Variants in INPP4B observed in about 807,000 individuals in gnomAD.
The protein encoded by INPP4B is inositol polyphosphate 4-phosphatase type II.
A neutral mutation model predicts 122.5 loss-of-function variants in INPP4B; 55 were observed. The observed-to-expected ratio is 0.45, with a 90% confidence interval of 0.36 to 0.56. The LOEUF (loss-of-function observed/expected upper bound fraction) is 0.56. Ranked by LOEUF, INPP4B falls within the 20% of genes least tolerant of loss-of-function variation. INPP4B has a pLI of 0.00. For synonymous variants in INPP4B, 403 were observed against 388.7 expected, an observed-to-expected ratio of 1.04 and a Z score of -0.43; for missense variants, 1,000 against 1,097.7, an observed-to-expected ratio of 0.91 and a Z score of 1.26.
rs1376845828 is a variant in INPP4B, at chr4:142,246,014, ATGTG to A, written c.689-8007_689-8004del. On this transcript the variant is annotated intron_variant, in intron 11 of 25. Transcript: ENST00000262992. ...CATATATATGTGTATGTATACACAC[ATGTG>A]TGTATGTACACACACGTGTGTGTAT... Among the ~76,000 whole-genome samples, 25 of 141,006 alleles carry A rather than the reference ATGTG, an allele frequency of 1.8e-4. 4 individuals carry two copies. Among genetic ancestry groups the A allele is most frequent in the African/African-American group, 6.6e-4 (24 of 36,172 alleles). 92.5% of individuals were successfully genotyped at this position (141,006 alleles called of 152,430 possible).
At chr4:142,416,044 C>A (rs537483829) in intron 5 of INPP4B, among the ~76,000 whole-genome samples, 79 of 151,982 alleles carry the variant, frequency 5.2e-4, no homozygotes, top group African/African-American at 1.9e-3. Context: ...AGGAGATATA[C>A]CTAATGCTAA....
intron 2 of INPP4B, among the ~76,000 whole-genome samples, chr4:142,662,981 T>C (rs1755460329): frequency 6.6e-6 from 1 of 152,176 alleles, no homozygotes; most frequent in African/African-American, 2.4e-5. Flanking sequence ...ATTTAATTAA[T>C]ATTAATAGTC....
chr4:142,027,996 T>G lies in INPP4B; in HGVS notation c.*786A>C, dbSNP rs1340613485. On this transcript the variant is annotated 3_prime_UTR_variant, in exon 26 of 26. Coordinates refer to ENST00000262992, the MANE Select transcript of INPP4B (RefSeq NM_001101669.3). ...TTCAGGCTGATGGGAATTTTCATTT[T>G]GGGTATCAAAATGTTGTTCATTTTT... The G allele has an allele frequency of 5.0e-6, 1 of 198,284 alleles. No homozygotes were observed. The highest frequency in any genetic ancestry group is 1.0e-5 in the Non-Finnish European group (1 of 95,748). 12.3% of individuals were successfully genotyped at this position (198,284 alleles called of 1,614,324 possible). A position where few individuals can be genotyped will look rare whatever the true frequency, so the allele number is the denominator to read the frequency against.
At chr4:142,307,743 T>G (rs754684710) in intron 8 of INPP4B, among the ~76,000 whole-genome samples, 2 of 152,218 alleles carry the variant, frequency 1.3e-5, no homozygotes, top group Non-Finnish European at 2.9e-5. Context: ...TTAAATTAAA[T>G]TCCCACTCAT....
chr4:142,754,106 A>G (rs967984792), intron 1 of INPP4B, among the ~76,000 whole-genome samples: 2 of 152,092 alleles, frequency 1.3e-5, no homozygotes, highest in African/African-American at 2.4e-5. Context: ...GTAGATGCCA[A>G]TTGTGCTTGT....
At chr4:142,654,367 T>TTAAA (rs766012808) in intron 2 of INPP4B, 3 of 101,000 alleles carry the variant, frequency 3.0e-5, no homozygotes, top group East Asian at 3.1e-4. Flanking sequence ...ACTTAAAGTA[T>TTAAA]AAAAAAAAAA....
At chr4:142,354,887 T>A (rs1783067143) in intron 7 of INPP4B, among the ~76,000 whole-genome samples, 1 of 151,952 alleles carries the variant, frequency 6.6e-6, no homozygotes, top group Admixed American at 6.6e-5. Context: ...TTGATGGTGA[T>A]TTATCACTTC....
intron 7 of INPP4B, among the ~76,000 whole-genome samples, chr4:142,340,088 A>G (rs1778142393): frequency 6.6e-6 from 1 of 152,188 alleles, no homozygotes; most frequent in Non-Finnish European, 1.5e-5. Context: ...ACTGGGGTAT[A>G]TTTAATACCA....
intron 2 of INPP4B, among the ~76,000 whole-genome samples, chr4:142,676,235 C>A (rs1757750129): frequency 6.6e-6 from 1 of 152,088 alleles, no homozygotes; most frequent in South Asian, 2.1e-4. Context: ...AGTGAACTCC[C>A]ATTCACAATT....
intron 2 of INPP4B, among the ~76,000 whole-genome samples, chr4:142,533,948 CA>C (rs1428643975): frequency 2.0e-5 from 3 of 152,148 alleles, no homozygotes; most frequent in African/African-American, 7.2e-5. Flanking sequence ...TTATGGGTGT[CA>C]TTTTTAGATA....
At chr4:142,648,359 G>A (rs1752240724) in intron 2 of INPP4B, among the ~76,000 whole-genome samples, 1 of 152,218 alleles carries the variant, frequency 6.6e-6, no homozygotes, top group African/African-American at 2.4e-5. Context: ...CCAAAGCAGG[G>A]TGGGGTATTG....
chr4:142,124,670 A>G lies in INPP4B; in HGVS notation c.1811T>C (p.Phe604Ser). The change falls in exon 19 of 26, where the codon TTT (phenylalanine) becomes TCT (serine). Residue 604 changes from phenylalanine (F) to serine (S), a missense_variant. Phe to Ser is a radical substitution (Grantham distance 155). Transcript: ENST00000262992. ...VVNRAKQSLT[F>S]VLLQELAYSL... ...GTACGCAAGTTCCTGAAGGAGCACA[A>G]ATGTCAGGGACTGCTTGGCTCGGTT... is the stretch of plus-strand genomic sequence containing the variant. 6.2e-7 allele frequency: 1 copy of G among 1,613,334 alleles called. No homozygotes were observed. The highest frequency in any genetic ancestry group is 8.5e-7 in the Non-Finnish European group (1 of 1,179,578).
At chr4:142,757,096 T>C (rs1231546505) in intron 1 of INPP4B, among the ~76,000 whole-genome samples, 1 of 152,118 alleles carries the variant, frequency 6.6e-6, no homozygotes, top group Non-Finnish European at 1.5e-5. Flanking sequence ...TGTGTAGAGC[T>C]TTTAATTAGT....
chr4:142,246,423 C>A (rs1383820721), intron 11 of INPP4B, among the ~76,000 whole-genome samples: 5 of 152,052 alleles, frequency 3.3e-5, no homozygotes, highest in Admixed American at 6.6e-5. Context: ...TCTTCCTATC[C>A]ATGAACATAG....
chr4:142,834,696 G>C (rs1323464716), intron 1 of INPP4B, among the ~76,000 whole-genome samples: 2 of 152,132 alleles, frequency 1.3e-5, no homozygotes. Flanking sequence ...GTATGATTTA[G>C]AATCCCATTG....
intron 7 of INPP4B, among the ~76,000 whole-genome samples, chr4:142,340,391 G>A (rs1579787878): frequency 1.7e-5 from 2 of 114,544 alleles, no homozygotes; most frequent in Non-Finnish European, 3.8e-5. Context: ...GCCATATAAC[G>A]TACTTCTTTC....
chr4:142,370,871 A>G (rs913658993), intron 7 of INPP4B, among the ~76,000 whole-genome samples: 1 of 152,164 alleles, frequency 6.6e-6, no homozygotes, highest in Non-Finnish European at 1.5e-5. Flanking sequence ...AGCAATCTAC[A>G]GATTAAATGC....
At chr4:142,796,548 G>A (rs1453549572) in intron 1 of INPP4B, among the ~76,000 whole-genome samples, 1 of 151,870 alleles carries the variant, frequency 6.6e-6, no homozygotes, top group African/African-American at 2.4e-5. Flanking sequence ...AAAAAAGTCT[G>A]TCTGCAGAAA....
chr4:142,159,469 A>ATTT (rs35597934), intron 17 of INPP4B, among the ~76,000 whole-genome samples: 4 of 147,968 alleles, frequency 2.7e-5, no homozygotes, highest in African/African-American at 9.9e-5. Context: ...TTCAGATAAC[A>ATTT]TTTTTTTTTT....
Sources: gnomAD v4.1 joint callset for allele counts (sites outside exome capture counted in the v4.1 genomes callset) on GRCh38, gnomAD v4.1.1 for gene constraint, MANE v1.5 for transcripts, NCBI Gene and HGNC (gene_info 2026-07-23, HGNC 2026-07-21) for gene names.